GTF3C3: variants seen among roughly 807,000 people sequenced by gnomAD.
The protein encoded by GTF3C3 is general transcription factor 3C polypeptide 3.
GTF3C3 carries 75 observed loss-of-function variants against 105.2 expected under a neutral mutation model. The ratio of observed to expected loss-of-function variants is 0.71; its 90% CI spans 0.59 to 0.86. The LOEUF (loss-of-function observed/expected upper bound fraction) is 0.86. Ranked by LOEUF, GTF3C3 falls within the 40% of genes least tolerant of loss-of-function variation. The probability of loss-of-function intolerance (pLI) is 0.00; values close to 1 mark genes in which losing one functional copy is unlikely to be tolerated. For missense variants in GTF3C3, 856 were observed against 1,076.5 expected, an observed-to-expected ratio of 0.80 and a Z score of 2.87; for synonymous variants, 335 against 370.4, an observed-to-expected ratio of 0.90 and a Z score of 1.10.
At chr2:196,770,856 T>G (rs1576017644) in intron 15 of GTF3C3, among the ~76,000 whole-genome samples, 1 of 152,166 alleles carries the variant, frequency 6.6e-6, no homozygotes, top group Non-Finnish European at 1.5e-5. Flanking sequence ...TTTTATTTTC[T>G]TAATATAAAA....
intron 16 of GTF3C3, among the ~76,000 whole-genome samples, chr2:196,769,109 A>G (rs1029944714): frequency 6.6e-6 from 1 of 152,156 alleles, no homozygotes; most frequent in African/African-American, 2.4e-5. Flanking sequence ...TTTTTAAAAA[A>G]CTTATTATAG....
intron 8 of GTF3C3, among the ~76,000 whole-genome samples, chr2:196,781,341 GGA>G (rs1491297223): frequency 2.1e-4 from 1 of 4,868 alleles, no homozygotes; most frequent in African/African-American, 3.6e-4. Context: ...AATGTTAAGG[GGA>G]AAAAAAAAAA....
Position 196,763,584 on chromosome 2 carries a change from A to ATAAG in GTF3C3, c.*975_*978dup, listed in dbSNP as rs1699007307. 1 of 152,212 alleles carries ATAAG rather than the reference A, an allele frequency of 6.6e-6. No homozygotes were observed. Among genetic ancestry groups the ATAAG allele is most frequent in the African/African-American group, 2.4e-5 (1 of 41,462 alleles). 9.4% of individuals were successfully genotyped at this position (152,212 alleles called of 1,614,324 possible). A position where few individuals can be genotyped will look rare whatever the true frequency, so the allele number is the denominator to read the frequency against. On this transcript the variant is annotated 3_prime_UTR_variant, in exon 18 of 18. Coordinates refer to ENST00000263956, the MANE Select transcript of GTF3C3 (RefSeq NM_012086.5). ...GTAGAAACAGTGGTAAGAATTTCTA[A>ATAAG]TAAGTCCCAATTTTATTTCTTTGAT...
chr2:196,798,816 C>T lies in GTF3C3; in HGVS notation c.102+694G>A, dbSNP rs1192861407. ...GGCCGAGGTTGCAGTGAGCCGAGAT[C>T]GTGCCACTGCACTCCAGCCTGGGCA... On this transcript the variant is annotated intron_variant, in intron 1 of 17. Transcript: ENST00000263956. 6.4e-5 allele frequency among the ~76,000 whole-genome samples: 9 copies of T among 141,100 alleles called. No homozygotes were observed. In the East Asian group the frequency reaches 1.7e-3, roughly 27 times the overall value. The allele number at this position is 141,100 out of a possible 152,430, so 92.6% of individuals were successfully genotyped here.
rs527454233 is a variant in GTF3C3 at position 196,765,965 on chromosome 2, G to C, written c.2538+600C>G. 2.6e-3 allele frequency among the ~76,000 whole-genome samples: 361 copies of C among 141,222 alleles called. 2 individuals carry two copies. The highest frequency in any genetic ancestry group is 8.9e-3 in the African/African-American group (343 of 38,696). The allele number at this position is 141,222 out of a possible 152,430, so 92.6% of individuals were successfully genotyped here. A position where few individuals can be genotyped will look rare whatever the true frequency, so the allele number is the denominator to read the frequency against. ...GCGGAGCTTGCAGTGAGCCAAGATC[G>C]TGCCACTGCACTCCAGCCTGGGCCA... On this transcript the variant is annotated intron_variant, in intron 17 of 17. Transcript: ENST00000263956.
chr2:196,783,003 G>A (rs113218047), intron 8 of GTF3C3, among the ~76,000 whole-genome samples: 5 of 152,122 alleles, frequency 3.3e-5, no homozygotes, highest in Non-Finnish European at 5.9e-5. Flanking sequence ...ATTTAAAAAT[G>A]TGACTGTCAA....
Position 196,782,624 on chromosome 2 carries a change from CAA to C in GTF3C3, c.1115-1964_1115-1963del, listed in dbSNP as rs201098851. On this transcript the variant is annotated intron_variant, in intron 8 of 17. Transcript: ENST00000263956. The stretch of plus-strand genomic sequence containing the variant: ...CAAAGGTATAGCAGGCAGGTGCAAA[CAA>C]AAAAAAAAAATAGGTGTCACAATCT... 1.3e-3 allele frequency among the ~76,000 whole-genome samples: 167 copies of C among 130,248 alleles called. No homozygotes were observed. In the East Asian group the frequency reaches 0.021, roughly 16 times the overall value. The allele number at this position is 130,248 out of a possible 152,430, so 85.4% of individuals were successfully genotyped here. A position where few individuals can be genotyped will look rare whatever the true frequency, so the allele number is the denominator to read the frequency against.
chr2:196,772,772 T>C (rs1278782888), intron 14 of GTF3C3, 144 bp downstream of exon 14: 13 of 537,266 alleles, frequency 2.4e-5, no homozygotes, highest in Middle Eastern at 9.8e-4. Context: ...CTAGAGTGCA[T>C]CTTCTTATAT....
intron 16 of GTF3C3, among the ~76,000 whole-genome samples, chr2:196,768,338 T>G (rs1576015667): frequency 6.6e-6 from 1 of 152,274 alleles, no homozygotes; most frequent in East Asian, 1.9e-4. Flanking sequence ...CAGTTTAAAT[T>G]GAAAAGAAAA....
intron 10 of GTF3C3, 65 bp downstream of exon 10, chr2:196,778,831 T>G (rs572787322): frequency 7.2e-7 from 1 of 1,388,398 alleles, no homozygotes; most frequent in African/African-American, 1.4e-5. Flanking sequence ...TATTACCATC[T>G]TGGGAAAGTA....
intron 7 of GTF3C3, 110 bp from the exon 8 acceptor site, chr2:196,785,039 T>C (rs1198871681): frequency 9.8e-6 from 7 of 714,076 alleles, no homozygotes; most frequent in Non-Finnish European, 1.6e-5. Flanking sequence ...AGTTGGGCTA[T>C]AAAAAGAAAG....
chr2:196,776,677 A>C lies in GTF3C3; in HGVS notation c.1391-48T>G, dbSNP rs1185220465. The C allele has an allele frequency of 7.6e-7, 1 of 1,310,028 alleles. No individual in the cohort carries two copies. The highest frequency in any genetic ancestry group is 1.8e-5 in the Admixed American group (1 of 54,484). 81.2% of individuals were successfully genotyped at this position (1,310,028 alleles called of 1,614,324 possible). A position where few individuals can be genotyped will look rare whatever the true frequency, so the allele number is the denominator to read the frequency against. On this transcript the variant is annotated intron_variant, in intron 10 of 17. Coordinates refer to ENST00000263956, the MANE Select transcript of GTF3C3 (RefSeq NM_012086.5). The surrounding 1 kb of genome is among the most constrained non-coding windows in gnomAD (Gnocchi z 4.5). ...CAAAAGTATGAACTACAGATTTGTA[A>C]ACTGGCCACAATTACTCTTCCATTT...
In GTF3C3 at chr2:196,789,291, A is replaced by G. The variant is rs1699506585; in HGVS notation, c.806T>C (p.Met269Thr). The G allele has an allele frequency of 6.2e-7, 1 of 1,613,386 alleles. No homozygotes were observed. The highest frequency in any genetic ancestry group is 8.5e-7 in the Non-Finnish European group (1 of 1,179,562). Reference sequence around the variant, plus strand: ...AATACGCCTATAACCATCCATGGCCATTTTATGATCACCCATCTGTTCATA... The same window carrying G: ...AATACGCCTATAACCATCCATGGCCGTTTTATGATCACCCATCTGTTCATA... ...SLYEQMGDHK[M>T]AMDGYRRILN... The change falls in exon 6 of 18, where the codon ATG becomes ACG. Residue 269 changes from methionine to threonine, a missense_variant. This residue lies in a region of GTF3C3 where 605 missense variants were observed against 833.6 expected (regional missense o/e 0.73). Coordinates refer to ENST00000263956, the MANE Select transcript of GTF3C3 (RefSeq NM_012086.5).
At chr2:196,767,873 T>C (rs1699095623) in intron 16 of GTF3C3, among the ~76,000 whole-genome samples, 1 of 152,234 alleles carries the variant, frequency 6.6e-6, no homozygotes, top group Admixed American at 6.5e-5. Context: ...CTTGCTGCCC[T>C]TTAAGAAATG....
rs1158517525 is a variant in GTF3C3 at position 196,799,419 on chromosome 2, C to T, written c.102+91G>A. On this transcript the variant is annotated intron_variant, in intron 1 of 17. Transcript: ENST00000263956. ...GCTGCTGAAAGTTCCCAGCCCGCCC[C>T]ATCACAGTGAAAGCGGTCGTCTGGG... The T allele has an allele frequency of 4.3e-6, 4 of 920,382 alleles. No homozygotes were observed. The Admixed American group carries it at 7.2e-5, about 17-fold the overall frequency. 57.0% of individuals were successfully genotyped at this position (920,382 alleles called of 1,614,324 possible). A position where few individuals can be genotyped will look rare whatever the true frequency, so the allele number is the denominator to read the frequency against.
chr2:196,792,533 C>G (rs1056869208), intron 3 of GTF3C3, among the ~76,000 whole-genome samples: 3 of 152,066 alleles, frequency 2.0e-5, no homozygotes, highest in African/African-American at 7.2e-5. Flanking sequence ...GTCTGTGTGT[C>G]TGTGTGTGTG....
chr2:196,778,960 G>T lies in GTF3C3; in HGVS notation c.1326C>A (p.Pro442=). ...CAGAGCAAACAAGAGCACTGAGGAG[G>T]GGAAGTGCAGAATTATATTCACCAA... ...LDVGEYNSAL[P]LLSALVCSER... The change falls in exon 10 of 18, where the codon CCC becomes CCA. Residue 442 remains proline, a synonymous_variant. Transcript: ENST00000263956. 1 of 1,613,800 alleles carries T rather than the reference G, an allele frequency of 6.2e-7. No individual in the cohort carries two copies. Among genetic ancestry groups the T allele is most frequent in the Non-Finnish European group, 8.5e-7 (1 of 1,179,762 alleles).
chr2:196,780,604 C>T lies in GTF3C3; in HGVS notation c.1173G>A (p.Lys391=). The T allele has an allele frequency of 6.2e-7, 1 of 1,613,644 alleles. No homozygotes were observed. ...PDGVPIDITV[K]LMVCLVHLNI... Reference sequence around the variant, plus strand: ...TGAGATGTACAAGGCAGACCATCAACTTCACTGTGATATCTATTGGCACGC... The same window carrying T: ...TGAGATGTACAAGGCAGACCATCAATTTCACTGTGATATCTATTGGCACGC... Residue 391 remains lysine, a synonymous_variant, in exon 9 of 18, where the codon AAG becomes AAA. Coordinates refer to ENST00000263956, the MANE Select transcript of GTF3C3 (RefSeq NM_012086.5).
rs554787574 is a variant in GTF3C3 at position 196,795,861 on chromosome 2, A to G, written c.214+1936T>C. On this transcript the variant is annotated intron_variant, in intron 2 of 17. Transcript: ENST00000263956. ...AAATAAAATTATTAAGTCACAGATG[A>G]CATGATTATATACATAGAAGACCCA... is the stretch of plus-strand genomic sequence containing the variant. Among the ~76,000 whole-genome samples the G allele has an allele frequency of 2.0e-5, 3 of 152,364 alleles. No homozygotes were observed. The South Asian group carries it at 6.2e-4, about 32-fold the overall frequency.
Sources: allele counts gnomAD v4.1 joint callset (sites outside exome capture counted in the v4.1 genomes callset), GRCh38; gene constraint gnomAD v4.1.1; regional missense constraint gnomAD v4.1.1; non-coding constraint Gnocchi (gnomAD v3.1); transcripts MANE v1.5; gene names NCBI Gene and HGNC (gene_info 2026-07-23, HGNC 2026-07-21).